Variants in ABLIM2 observed in about 807,000 individuals in gnomAD.
ABLIM2 encodes the protein actin-binding LIM protein 2.
A neutral mutation model predicts 97.7 loss-of-function variants in ABLIM2; 53 were observed. The observed-to-expected ratio is 0.54, with a 90% CI of 0.44 to 0.68. ABLIM2 has a LOEUF of 0.68. ABLIM2 is among the 30% of genes least tolerant of loss of function. The pLI, the probability that ABLIM2 is intolerant of heterozygous loss-of-function variation, is 0.00. For synonymous variants in ABLIM2, 361 were observed against 345.8 expected, an observed-to-expected ratio of 1.04 and a Z score of -0.49; for missense variants, 835 against 867.2, an observed-to-expected ratio of 0.96 and a Z score of 0.47.
At chr4:8,045,864 C>T (rs549814959) in intron 8 of ABLIM2, among the ~76,000 whole-genome samples, 4 of 152,226 alleles carry the variant, frequency 2.6e-5, no homozygotes, top group South Asian at 4.2e-4. Flanking sequence ...GGACTCGCTG[C>T]AGCTTAGTCC....
rs575382842 is a variant in ABLIM2, at chr4:8,086,832, A to T, written c.454+1337T>A. On this transcript the variant is annotated intron_variant, in intron 4 of 20. Coordinates refer to ENST00000447017, the MANE Select transcript of ABLIM2 (RefSeq NM_001130083.2). Reference sequence around the variant, plus strand: ...CATTAAATAAAACCACGTTTACATTAAAAAAAAAAAGCAGTCAATCCAGGC... The same window carrying T: ...CATTAAATAAAACCACGTTTACATTTAAAAAAAAAAGCAGTCAATCCAGGC... Among the ~76,000 whole-genome samples, 606 of 137,232 alleles carry T rather than the reference A, an allele frequency of 4.4e-3. 2 individuals are homozygous for T. Among genetic ancestry groups the T allele is most frequent in the Non-Finnish European group, 6.0e-3 (389 of 65,288 alleles). The allele number at this position is 137,232 out of a possible 152,430, so 90.0% of individuals were successfully genotyped here. A position where few individuals can be genotyped will look rare whatever the true frequency, so the allele number is the denominator to read the frequency against.
intron 1 of ABLIM2, among the ~76,000 whole-genome samples, chr4:8,156,819 C>T (rs1324064753): frequency 6.6e-6 from 1 of 152,242 alleles, no homozygotes; most frequent in East Asian, 1.9e-4. Context: ...GCCCACATGC[C>T]AGGAACAAGG....
intron 20 of ABLIM2, 21 bp downstream of exon 20, chr4:7,983,242 GC>G: frequency 6.3e-7 from 1 of 1,599,304 alleles, no homozygotes. Context: ...TGAGTCCCCT[GC>G]CCCGGCAGTC....
chr4:7,997,002 G>A (rs1290333013), intron 16 of ABLIM2, among the ~76,000 whole-genome samples: 3 of 152,084 alleles, frequency 2.0e-5, no homozygotes, highest in Non-Finnish European at 1.5e-5. Flanking sequence ...GACTCACTTG[G>A]TTTCTGGAAC....
At chr4:8,091,352 ATTATATATATAT>A (rs1827622129) in intron 3 of ABLIM2, among the ~76,000 whole-genome samples, 1 of 18,684 alleles carries the variant, frequency 5.4e-5, no homozygotes, top group Non-Finnish European at 1.1e-4. Context: ...TATATATATA[ATTATATATATAT>A]TATATTACAT....
chr4:8,106,711 G>A (rs767832498), intron 1 of ABLIM2, 74 bp from the exon 2 acceptor site: 83 of 1,509,916 alleles, frequency 5.5e-5, no homozygotes, highest in Non-Finnish European at 6.5e-5. Context: ...GCAGGCGTGT[G>A]AGGACGCACA....
At chr4:7,991,437 T>G (rs1748638935) in intron 17 of ABLIM2, among the ~76,000 whole-genome samples, 1 of 152,246 alleles carries the variant, frequency 6.6e-6, no homozygotes, top group African/African-American at 2.4e-5. Context: ...GCCCCAGGGC[T>G]GTCAGAGAAC....
Position 8,071,911 on chromosome 4 carries a change from C to G in ABLIM2, c.675+5717G>C. Reference sequence around the variant, plus strand: ...GCTCCTGCTGCGCCCTGGGAGTCCACTGTCACCCAGCGGGGCACCGGCACA... The same window carrying G: ...GCTCCTGCTGCGCCCTGGGAGTCCAGTGTCACCCAGCGGGGCACCGGCACA... On this transcript the variant is annotated intron_variant, in intron 6 of 20. Transcript: ENST00000447017. This position sits in a 1 kb window ranked among gnomAD's most constrained non-coding sequence, Gnocchi z 6.2. 1.0e-6 allele frequency: 1 copy of G among 985,496 alleles called. No individual in the cohort carries two copies. The highest frequency in any genetic ancestry group is 1.2e-6 in the Non-Finnish European group (1 of 829,984). The allele number at this position is 985,496 out of a possible 1,614,324, so 61.0% of individuals were successfully genotyped here. A position where few individuals can be genotyped will look rare whatever the true frequency, so the allele number is the denominator to read the frequency against.
chr4:8,062,820 C>T (rs193132816), intron 6 of ABLIM2, among the ~76,000 whole-genome samples: 5 of 152,312 alleles, frequency 3.3e-5, no homozygotes, highest in East Asian at 1.9e-4. Context: ...CAGGTATCAA[C>T]GTCACAGTTG....
In ABLIM2 at chr4:8,005,269, C is replaced by G. The variant is rs369408758; in HGVS notation, c.1618+2790G>C. On this transcript the variant is annotated intron_variant, in intron 16 of 20. Coordinates refer to ENST00000447017, the MANE Select transcript of ABLIM2 (RefSeq NM_001130083.2). The surrounding 1 kb of genome is among the most constrained non-coding windows in gnomAD (Gnocchi z 4.9). ...AGGTCAGGGGCTGCTCTTGTCTTCT[C>G]TGTCCCCCTCGGCGCCCCGCTCAGC... 1.1e-4 allele frequency: 59 copies of G among 523,076 alleles called. No individual in the cohort carries two copies. Among genetic ancestry groups the G allele is most frequent in the African/African-American group, 9.6e-4 (50 of 51,920 alleles). The allele number at this position is 523,076 out of a possible 1,614,324, so 32.4% of individuals were successfully genotyped here. A position where few individuals can be genotyped will look rare whatever the true frequency, so the allele number is the denominator to read the frequency against.
intron 11 of ABLIM2, 34 bp downstream of exon 11, chr4:8,029,622 C>T (rs755818191): frequency 5.7e-6 from 8 of 1,411,066 alleles, no homozygotes; most frequent in East Asian, 5.6e-5. Context: ...AGGACAGCAT[C>T]CTGGGGGCTC....
At position 8,149,858 on chromosome 4, in the gene ABLIM2, C is replaced by T. The variant is rs1387306749; in HGVS notation, c.10+8822G>A. The stretch of plus-strand genomic sequence containing the variant: ...GGACGGGGCCTATGGAGTAAGACCC[C>T]ACACAGCCGGTCCCTCTGTGGGACG... On this transcript the variant is annotated intron_variant, in intron 1 of 20. Coordinates refer to ENST00000447017, the MANE Select transcript of ABLIM2 (RefSeq NM_001130083.2). This position sits in a 1 kb window ranked among gnomAD's most constrained non-coding sequence, Gnocchi z 6.4. Among the ~76,000 whole-genome samples the T allele has an allele frequency of 6.6e-6, 1 of 152,022 alleles. No homozygotes were observed. Among genetic ancestry groups the T allele is most frequent in the Non-Finnish European group, 1.5e-5 (1 of 67,992 alleles).
At chr4:8,040,071 C>T (rs1051249346) in intron 9 of ABLIM2, among the ~76,000 whole-genome samples, 2 of 152,152 alleles carry the variant, frequency 1.3e-5, no homozygotes, top group African/African-American at 2.4e-5. Context: ...GATGCAGCCA[C>T]TTGGTGGATT....
At position 8,113,173 on chromosome 4, in the gene ABLIM2, C is replaced by G. The variant is rs1002817802; in HGVS notation, c.11-6536G>C. Among the ~76,000 whole-genome samples the G allele has an allele frequency of 1.3e-5, 2 of 152,198 alleles. No individual in the cohort carries two copies. Among genetic ancestry groups the G allele is most frequent in the Non-Finnish European group, 2.9e-5 (2 of 68,030 alleles). On this transcript the variant is annotated intron_variant, in intron 1 of 20. Transcript: ENST00000447017. The surrounding 1 kb of genome is among the most constrained non-coding windows in gnomAD (Gnocchi z 4.5). ...GCAGTGGCGCAGTCTCAGCTCACTG[C>G]AGCCTCAACCTCCCGGGATCAAGCC...
In ABLIM2 at chr4:8,087,376, G is replaced by A. The variant is rs1824375644; in HGVS notation, c.454+793C>T. Among the ~76,000 whole-genome samples, 2 of 151,632 alleles carry A rather than the reference G, an allele frequency of 1.3e-5. No individual in the cohort carries two copies. Among genetic ancestry groups the A allele is most frequent in the African/African-American group, 2.4e-5 (1 of 41,388 alleles). The stretch of plus-strand genomic sequence containing the variant: ...CTGCAAACCCCTGACACTTCGGCTG[G>A]CATTTGTTTTTTTTCCACACTAACA... On this transcript the variant is annotated intron_variant, in intron 4 of 20. Transcript: ENST00000447017. This position sits in a 1 kb window ranked among gnomAD's most constrained non-coding sequence, Gnocchi z 4.6.
chr4:8,080,028 T>G (rs1818772105), intron 5 of ABLIM2, among the ~76,000 whole-genome samples: 1 of 152,094 alleles, frequency 6.6e-6, no homozygotes, highest in Non-Finnish European at 1.5e-5. Context: ...CCCCCAGGGT[T>G]AAAACCGACC....
At chr4:8,020,627 G>A in intron 12 of ABLIM2, 1 of 384,706 alleles carries the variant, frequency 2.6e-6, no homozygotes, top group Non-Finnish European at 4.8e-6. Context: ...CCTGGCTGGT[G>A]TTTGAATCCA....
chr4:8,010,088 A>C (rs185401328), intron 14 of ABLIM2, among the ~76,000 whole-genome samples: 1 of 152,360 alleles, frequency 6.6e-6, no homozygotes, highest in East Asian at 1.9e-4. Flanking sequence ...AAATGGACTC[A>C]ATGAAATAGA....
intron 8 of ABLIM2, among the ~76,000 whole-genome samples, chr4:8,048,551 G>T (rs1794036730): frequency 6.6e-6 from 1 of 152,194 alleles, no homozygotes; most frequent in Non-Finnish European, 1.5e-5. Context: ...AGGCAGAGCA[G>T]AACTCCAATG....
Sources: allele counts gnomAD v4.1 joint callset (sites outside exome capture counted in the v4.1 genomes callset), GRCh38; gene constraint gnomAD v4.1.1; non-coding constraint Gnocchi (gnomAD v3.1); transcripts MANE v1.5; gene names NCBI Gene and HGNC (gene_info 2026-07-23, HGNC 2026-07-21).